Variants in TUB observed in about 807,000 individuals in gnomAD.
TUB encodes the protein TUB bipartite transcription factor.
Under a neutral mutation model 59.7 loss-of-function variants are expected in TUB, and 33 were observed. The ratio of observed to expected loss-of-function variants is 0.55; its 90% CI spans 0.42 to 0.74. The LOEUF (loss-of-function observed/expected upper bound fraction) is 0.74. Among genes scored for constraint, TUB ranks in the 30% least tolerant of loss-of-function variants. TUB has a pLI of 0.00. For synonymous variants in TUB, 293 were observed against 256.4 expected (o/e 1.14, Z -1.36); for missense variants, 659 against 672.0 (o/e 0.98, Z 0.21).
chr11:8,096,679 GC>G lies in TUB; in HGVS notation c.566-3del, dbSNP rs1324173858. 5 of 1,578,134 alleles carry G rather than the reference GC, an allele frequency of 3.2e-6. No individual in the cohort carries two copies. The African/African-American group carries it at 5.4e-5, about 17-fold the overall frequency. On this transcript the variant is annotated splice_polypyrimidine_tract_variant and splice_region_variant and intron_variant, in intron 5 of 11. Transcript: ENST00000299506. ...TTCATCCCTTCTTCTTCTCTCCTTGGCCCAGGCATCTCCAGCAGCATGAGCT... is the reference window on the plus strand; with the variant it reads ...TTCATCCCTTCTTCTTCTCTCCTTGGCCAGGCATCTCCAGCAGCATGAGCT...
Position 8,038,962 on chromosome 11 carries a change from T to C in TUB, c.89T>C (p.Met30Thr), listed in dbSNP as rs1196546434. Residue 30 changes from methionine (M) to threonine (T), a missense_variant, in exon 1 of 13, where the codon ATG becomes ACG. By Grantham distance (81) the Met-to-Thr change is moderately conservative. Transcript: ENST00000305253. ...TTCCCAGGAGGCACTCCCTGGCCCA[T>C]GGGATCTCAGCATTCAAAGCAGCAC... The C allele has an allele frequency of 6.8e-6, 11 of 1,613,904 alleles. No homozygotes were observed. The highest frequency in any genetic ancestry group is 1.3e-5 in the African/African-American group (1 of 74,884).
intron 2 of TUB, among the ~76,000 whole-genome samples, chr11:8,047,139 C>T (rs1942847668): frequency 6.6e-6 from 1 of 152,130 alleles, no homozygotes; most frequent in African/African-American, 2.4e-5. Context: ...TCTCCTGCCT[C>T]TCCCCACTGC....
intron 1 of TUB, chr11:8,039,455 C>A: frequency 2.1e-6 from 1 of 483,930 alleles, no homozygotes. Flanking sequence ...GCCTGCCATC[C>A]GGGGCCCACA....
chr11:8,053,022 GC>G (rs1942957157), intron 2 of TUB, among the ~76,000 whole-genome samples: 1 of 152,132 alleles, frequency 6.6e-6, no homozygotes, highest in African/African-American at 2.4e-5. Context: ...ATAAAACAAT[GC>G]TTAGTTATAT....
chr11:8,059,829 G>T (rs1313135070), intron 2 of TUB, among the ~76,000 whole-genome samples: 5 of 152,176 alleles, frequency 3.3e-5, no homozygotes, highest in Admixed American at 3.3e-4. Flanking sequence ...GCTTTTAAAA[G>T]TGTAATGTTC....
intron 4 of TUB, among the ~76,000 whole-genome samples, chr11:8,095,238 T>C (rs942079239): frequency 6.6e-5 from 10 of 152,208 alleles, no homozygotes; most frequent in Non-Finnish European, 1.3e-4. Context: ...TGCCGTCTGC[T>C]TTAAGGACGT....
intron 8 of TUB, among the ~76,000 whole-genome samples, chr11:8,098,038 C>G (rs368085335): frequency 1.3e-5 from 2 of 152,182 alleles, no homozygotes; most frequent in African/African-American, 4.8e-5. Flanking sequence ...CGACCCCAAG[C>G]TGTTCCCAGG....
chr11:8,101,305 G>A (rs1003802591), intron 11 of TUB, among the ~76,000 whole-genome samples, 181 bp from the exon 12 acceptor site: 1 of 151,896 alleles, frequency 6.6e-6, no homozygotes, highest in Non-Finnish European at 1.5e-5. Context: ...TTTGCCATCT[G>A]CCACCTCTTT....
In TUB at chr11:8,095,500, A is replaced by C; in HGVS notation, c.400A>C (p.Thr134Pro). The change falls in exon 5 of 12, where the codon ACC becomes CCC. Residue 134 changes from threonine (T) to proline (P), a missense_variant and splice_region_variant. Coordinates refer to ENST00000299506, the MANE Select transcript of TUB (RefSeq NM_177972.3). ...RKEKKGKHKG[T>P]SGPAALAEDK... ...TCAGGCGTGTCCGTGGCCTGCAGGC[A>C]CCAGCGGGCCAGCAGCACTGGCAGA... The C allele has an allele frequency of 6.2e-7, 1 of 1,608,268 alleles. No homozygotes were observed. The highest frequency in any genetic ancestry group is 8.5e-7 in the Non-Finnish European group (1 of 1,176,774).
chr11:8,036,718 C>CTATG (rs377148079), upstream of TUB, among the ~76,000 whole-genome samples: 2 of 152,212 alleles, frequency 1.3e-5, no homozygotes, highest in African/African-American at 4.8e-5. Context: ...CCCCAGGGAG[C>CTATG]TATGACCCTT....
chr11:8,067,123 C>G (rs979632385), intron 2 of TUB, among the ~76,000 whole-genome samples: 4 of 152,224 alleles, frequency 2.6e-5, no homozygotes, highest in Non-Finnish European at 5.9e-5. Flanking sequence ...AATGGCCTCA[C>G]TCCGTAAGTC....
rs562653869 is a variant in TUB at position 8,044,962 on chromosome 11, C to T, written c.203+5270C>T. On this transcript the variant is annotated intron_variant, in intron 2 of 12. Coordinates refer to the TUB transcript ENST00000305253. ...CTCCAGGTGTGCCACCTCCCCAGCA[C>T]CCCGATATGTTTACCTGCCAGGAAC... Among the ~76,000 whole-genome samples the T allele has an allele frequency of 3.9e-5, 6 of 152,310 alleles. No individual in the cohort carries two copies. The South Asian group carries it at 1.2e-3, about 32-fold the overall frequency.
In TUB at chr11:8,100,574, T is replaced by C. The variant is rs575184271; in HGVS notation, c.1188T>C (p.His396=). 1.1e-5 allele frequency: 17 copies of C among 1,614,126 alleles called. No homozygotes were observed. Among genetic ancestry groups the C allele is most frequent in the Admixed American group, 1.0e-4 (6 of 60,024 alleles). Residue 396 remains histidine (H), a synonymous_variant, in exon 10 of 12, where the codon CAT becomes CAC. Transcript: ENST00000299506. ...TTGTCCCAGGCATGAACATGGTTCA[T>C]GAGAGAGTCTCTATCCGCCCCCGCA... is the stretch of plus-strand genomic sequence containing the variant. ...SVIVPGMNMV[H]ERVSIRPRNE...
chr11:8,049,926 AAC>A (rs1272206227), intron 2 of TUB, among the ~76,000 whole-genome samples: 1 of 152,184 alleles, frequency 6.6e-6, no homozygotes, highest in African/African-American at 2.4e-5. Context: ...CAGTCATGTT[AAC>A]ACTACCCAGA....
At chr11:8,027,694 T>C (rs12273093) in intron 1 of TUB, among the ~76,000 whole-genome samples, 67,257 of 151,884 alleles carry the variant, frequency 0.44, 16,787 homozygotes, top group Middle Eastern at 0.6. Context: ...TTTGTATTTT[T>C]AGTAGAGACG....
chr11:8,039,344 G>C (rs985540082), intron 1 of TUB, among the ~76,000 whole-genome samples: 5 of 152,102 alleles, frequency 3.3e-5, no homozygotes, highest in African/African-American at 1.2e-4. Flanking sequence ...GCCTCTTCTG[G>C]AGGGCTCCTC....
At chr11:8,063,231 A>G (rs551661389) in intron 2 of TUB, among the ~76,000 whole-genome samples, 53 of 152,344 alleles carry the variant, frequency 3.5e-4, no homozygotes, top group African/African-American at 1.0e-3. Context: ...AGATGAGCGC[A>G]CACAAGGACA....
At chr11:8,051,755 C>A (rs1405244892) in intron 2 of TUB, among the ~76,000 whole-genome samples, 1 of 152,192 alleles carries the variant, frequency 6.6e-6, no homozygotes, top group Non-Finnish European at 1.5e-5. Flanking sequence ...AAAGCTCCCC[C>A]ACTCCCTGCA....
chr11:8,090,281 T>A, intron 3 of TUB, 50 bp downstream of exon 3: 1 of 1,597,806 alleles, frequency 6.3e-7, no homozygotes, highest in Non-Finnish European at 8.5e-7. Context: ...GGGGAGCCCG[T>A]CACTTCCTGC....
Sources: allele counts gnomAD v4.1 joint callset (sites outside exome capture counted in the v4.1 genomes callset), GRCh38; gene constraint gnomAD v4.1.1; transcripts MANE v1.5; gene names NCBI Gene and HGNC (gene_info 2026-07-23, HGNC 2026-07-21).